Variants in SMOC2 observed in about 807,000 individuals in gnomAD.
SMOC2 encodes the protein SPARC-related modular calcium-binding protein 2.
A neutral mutation model predicts 61.4 loss-of-function variants in SMOC2; 39 were observed. The observed-to-expected ratio is 0.64, with a 90% confidence interval of 0.49 to 0.83. SMOC2 has a LOEUF of 0.83. Ranked by LOEUF, SMOC2 falls within the 40% of genes least tolerant of loss-of-function variation. The pLI is 0.00. For missense variants in SMOC2, 556 were observed against 592.9 expected (o/e 0.94, Z 0.65); for synonymous variants, 247 against 239.9 (o/e 1.03, Z -0.27).
chr6:168,445,958 C>G (rs894010132), intron 1 of SMOC2, among the ~76,000 whole-genome samples: 10 of 152,216 alleles, frequency 6.6e-5, no homozygotes, highest in Admixed American at 3.9e-4. Flanking sequence ...AATTCTATAT[C>G]AAAATAAGCC....
chr6:168,620,259 A>G (rs1562387354), intron 9 of SMOC2, among the ~76,000 whole-genome samples: 1 of 152,108 alleles, frequency 6.6e-6, no homozygotes. Flanking sequence ...CAGAATACTA[A>G]GACTGCATGG....
At chr6:168,465,424 T>G (rs1371964996) in intron 1 of SMOC2, among the ~76,000 whole-genome samples, 1 of 151,460 alleles carries the variant, frequency 6.6e-6, no homozygotes, top group Non-Finnish European at 1.5e-5. Flanking sequence ...TAGATGAAAC[T>G]TAGGAACACA....
rs1349336496 is a variant in SMOC2, at chr6:168,452,068, C to T, written c.84+10614C>T. Among the ~76,000 whole-genome samples, 2 of 152,180 alleles carry T rather than the reference C, an allele frequency of 1.3e-5. No homozygotes were observed. The highest frequency in any genetic ancestry group is 4.8e-5 in the African/African-American group (2 of 41,458). ...TGAGCTCTGTCTTTTAGGGGAGGGT[C>T]GCATGGTGGGGTCTGGGGTTACCAC... On this transcript the variant is annotated intron_variant, in intron 1 of 12. Transcript: ENST00000356284. This position sits in a 1 kb window ranked among gnomAD's most constrained non-coding sequence, Gnocchi z 5.0.
intron 4 of SMOC2, among the ~76,000 whole-genome samples, chr6:168,540,167 C>T (rs893275197): frequency 1.3e-5 from 2 of 152,242 alleles, no homozygotes; most frequent in Admixed American, 6.5e-5. Flanking sequence ...TCCCTGCCGT[C>T]GTTTCCTGTG....
chr6:168,537,492 T>C (rs1238350057), intron 4 of SMOC2, among the ~76,000 whole-genome samples: 2 of 152,256 alleles, frequency 1.3e-5, no homozygotes, highest in East Asian at 1.9e-4. Flanking sequence ...AATACAGCAC[T>C]CTGCAGGCTG....
At chr6:168,466,978 C>T (rs745765154) in intron 1 of SMOC2, among the ~76,000 whole-genome samples, 4 of 152,208 alleles carry the variant, frequency 2.6e-5, no homozygotes, top group Non-Finnish European at 5.9e-5. Context: ...CAGGGCTGCG[C>T]CATTGCAGCC....
chr6:168,591,528 A>T (rs564428917), intron 7 of SMOC2, among the ~76,000 whole-genome samples: 83 of 152,244 alleles, frequency 5.5e-4, no homozygotes, highest in African/African-American at 1.9e-3. Flanking sequence ...AGTGAGAATG[A>T]ACTTAATACA....
intron 9 of SMOC2, among the ~76,000 whole-genome samples, chr6:168,613,603 C>G (rs1785950705): frequency 6.7e-6 from 1 of 148,472 alleles, no homozygotes; most frequent in African/African-American, 2.4e-5. Flanking sequence ...CACAGTGCCT[C>G]TTCACATCTA....
At chr6:168,511,213 A>T (rs2609321) in intron 2 of SMOC2, among the ~76,000 whole-genome samples, 136,351 of 152,244 alleles carry the variant, frequency 0.9, 61,983 homozygotes, top group East Asian at 1. Flanking sequence ...AAGGTGTGTA[A>T]TAGTTTGTTC....
At chr6:168,604,957 A>G (rs993293770) in intron 8 of SMOC2, among the ~76,000 whole-genome samples, 1 of 152,020 alleles carries the variant, frequency 6.6e-6, no homozygotes, top group African/African-American at 2.4e-5. Context: ...CATCTTCGTC[A>G]TTGTTTGCAG....
At chr6:168,536,416 C>G (rs144705461) in intron 4 of SMOC2, among the ~76,000 whole-genome samples, 2 of 151,988 alleles carry the variant, frequency 1.3e-5, no homozygotes, top group African/African-American at 4.8e-5. Context: ...CAGGAGCTGG[C>G]GGATAAGGAG....
Position 168,667,145 on chromosome 6 carries a change from C to T in SMOC2, c.*707C>T, listed in dbSNP as rs764994905. 9 of 152,192 alleles carry T rather than the reference C, an allele frequency of 5.9e-5. No homozygotes were observed. The highest frequency in any genetic ancestry group is 8.8e-5 in the Non-Finnish European group (6 of 68,050). 9.4% of individuals were successfully genotyped at this position (152,192 alleles called of 1,614,324 possible). A position where few individuals can be genotyped will look rare whatever the true frequency, so the allele number is the denominator to read the frequency against. The stretch of plus-strand genomic sequence containing the variant: ...CTTGAATGAGTCCCAGAGAGTCGTT[C>T]GGATGGTGGGAGGCTGCCTAGGAGG... On this transcript the variant is annotated 3_prime_UTR_variant, in exon 13 of 13. Transcript: ENST00000356284.
chr6:168,474,313 C>T (rs1264952309), intron 1 of SMOC2, among the ~76,000 whole-genome samples: 1 of 152,114 alleles, frequency 6.6e-6, no homozygotes, highest in Non-Finnish European at 1.5e-5. Context: ...CTAGAGCTGC[C>T]AGCTGGGCTG....
At chr6:168,595,996 G>A (rs55768785) in intron 7 of SMOC2, among the ~76,000 whole-genome samples, 52,082 of 147,864 alleles carry the variant, frequency 0.35, 10,689 homozygotes, top group Middle Eastern at 0.47. Context: ...GCGCTGCGGC[G>A]GTGCTGAGTC....
intron 4 of SMOC2, among the ~76,000 whole-genome samples, chr6:168,528,332 C>T (rs1231733238): frequency 1.4e-5 from 2 of 146,360 alleles, no homozygotes; most frequent in East Asian, 2.0e-4. Flanking sequence ...AAATAATCTG[C>T]AGCCCAAGTT....
rs150666713 is a variant in SMOC2 at position 168,537,769 on chromosome 6, A to G, written c.464-5856A>G. The stretch of plus-strand genomic sequence containing the variant: ...CAGTCTTGCAGTCTAAGGAGTGCAG[A>G]GGAGTCTCAGGTGGCTGGAGCCCAC... On this transcript the variant is annotated intron_variant, in intron 4 of 12. Coordinates refer to ENST00000356284, the MANE Select transcript of SMOC2 (RefSeq NM_001166412.2). 5.1e-3 allele frequency among the ~76,000 whole-genome samples: 782 copies of G among 152,292 alleles called. 4 individuals carry two copies. Among genetic ancestry groups the G allele is most frequent in the South Asian group, 0.028 (134 of 4,826 alleles).
chr6:168,652,363 G>A (rs940989791), intron 10 of SMOC2, among the ~76,000 whole-genome samples: 7 of 152,282 alleles, frequency 4.6e-5, no homozygotes, highest in African/African-American at 1.7e-4. Flanking sequence ...ACCTCCAGGA[G>A]GGCCATCCCA....
intron 1 of SMOC2, among the ~76,000 whole-genome samples, chr6:168,447,012 G>A (rs983043200): frequency 9.2e-5 from 14 of 152,094 alleles, no homozygotes; most frequent in African/African-American, 2.9e-4. Flanking sequence ...TCCAGGCTAC[G>A]TTCTCCTTCA....
intron 4 of SMOC2, among the ~76,000 whole-genome samples, chr6:168,536,429 G>A (rs16887100): frequency 0.11 from 16,721 of 152,118 alleles, 998 homozygotes; most frequent in Middle Eastern, 0.18. Flanking sequence ...ATAAGGAGGT[G>A]GTTGGGTCCC....
Sources: gnomAD v4.1 joint callset for allele counts (sites outside exome capture counted in the v4.1 genomes callset) on GRCh38, gnomAD v4.1.1 for gene constraint, Gnocchi (gnomAD v3.1) non-coding constraint, MANE v1.5 for transcripts, NCBI Gene and HGNC (gene_info 2026-07-23, HGNC 2026-07-21) for gene names.